ARMC8: variants seen among roughly 807,000 people sequenced by gnomAD.
ARMC8 encodes the protein armadillo repeat containing 8.
ARMC8 carries 20 observed loss-of-function variants against 99.3 expected under a neutral mutation model. The observed-to-expected ratio is 0.20, with a 90% CI of 0.14 to 0.29. The LOEUF (loss-of-function observed/expected upper bound fraction) is 0.29, where lower values mean the gene tolerates loss of function less well. ARMC8 is among the 10% of genes least tolerant of loss of function. The probability of loss-of-function intolerance (pLI) is 1.00; values close to 1 mark genes in which losing one functional copy is unlikely to be tolerated. For synonymous variants in ARMC8, 263 were observed against 278.3 expected, an observed-to-expected ratio of 0.95 and a Z score of 0.55; for missense variants, 569 against 809.5, an observed-to-expected ratio of 0.70 and a Z score of 3.60.
intron 1 of ARMC8, among the ~76,000 whole-genome samples, chr3:138,208,097 T>TG (rs2044480568): frequency 6.7e-6 from 1 of 149,744 alleles, no homozygotes; most frequent in African/African-American, 2.5e-5. Flanking sequence ...TGTTTTTTTT[T>TG]TTTTGTTGTT....
Position 138,245,194 on chromosome 3 carries a change from G to T in ARMC8, c.1134+11G>T. The T allele has an allele frequency of 6.2e-7, 1 of 1,614,210 alleles. No homozygotes were observed. ...GACATCCGGAAGAAGGTGAGTCTGG[G>T]AGAGGGGCGTCCCCCAGTCCTGACA... On this transcript the variant is annotated intron_variant, in intron 12 of 21. Transcript: ENST00000469044.
chr3:138,291,117 C>CA (rs2050903578), intron 21 of ARMC8, among the ~76,000 whole-genome samples: 1 of 152,234 alleles, frequency 6.6e-6, no homozygotes, highest in Admixed American at 6.5e-5. Context: ...ATCAGATACT[C>CA]AGCTAACCTC....
chr3:138,280,164 A>C (rs2049743083), intron 18 of ARMC8, among the ~76,000 whole-genome samples: 1 of 152,120 alleles, frequency 6.6e-6, no homozygotes, highest in Admixed American at 6.5e-5. Context: ...TCGGCCTCCC[A>C]AAGTGCTGGG....
intron 12 of ARMC8, chr3:138,261,583 A>G (rs1225517535): frequency 6.6e-6 from 1 of 152,196 alleles, no homozygotes; most frequent in African/African-American, 2.4e-5. Flanking sequence ...GTTATATATA[A>G]GAGATGGAGA....
intron 2 of ARMC8, among the ~76,000 whole-genome samples, chr3:138,210,373 C>T (rs1381555511): frequency 6.6e-6 from 1 of 152,092 alleles, no homozygotes; most frequent in East Asian, 1.9e-4. Context: ...AACCATAATG[C>T]CTTTTTTTCT....
intron 10 of ARMC8, among the ~76,000 whole-genome samples, chr3:138,241,090 T>G (rs1025893139): frequency 3.9e-5 from 6 of 152,196 alleles, no homozygotes; most frequent in African/African-American, 1.4e-4. Flanking sequence ...TGTAATATTT[T>G]TATTGAGAAC....
At chr3:138,244,210 A>T (rs2046770388) in intron 11 of ARMC8, among the ~76,000 whole-genome samples, 1 of 152,166 alleles carries the variant, frequency 6.6e-6, no homozygotes, top group Non-Finnish European at 1.5e-5. Flanking sequence ...TTACCATAGT[A>T]TACGGTTTGT....
At chr3:138,290,908 C>T (rs560976599) in intron 21 of ARMC8, among the ~76,000 whole-genome samples, 16 of 152,186 alleles carry the variant, frequency 1.1e-4, no homozygotes, top group Admixed American at 8.5e-4. Context: ...TGCGTACATT[C>T]GCCTGATCAT....
chr3:138,220,285 T>C (rs2045320639), intron 2 of ARMC8, among the ~76,000 whole-genome samples: 1 of 152,218 alleles, frequency 6.6e-6, no homozygotes, highest in African/African-American at 2.4e-5. Flanking sequence ...TTTATATTCA[T>C]GTATCAGAAC....
In ARMC8 at chr3:138,229,161, T is replaced by TAC. The variant is rs1559957768; in HGVS notation, c.528+152_528+153insCA. 47 of 74,466 alleles carry TAC rather than the reference T, an allele frequency of 6.3e-4. 1 individual carries two copies. The highest frequency in any genetic ancestry group is 2.6e-3 in the African/African-American group (42 of 16,340). The allele number at this position is 74,466 out of a possible 1,614,324, so 4.6% of individuals were successfully genotyped here. On this transcript the variant is annotated intron_variant, in intron 6 of 21. Coordinates refer to ENST00000469044, the MANE Select transcript of ARMC8 (RefSeq NM_001363941.2). ...ATATATATATATATATATATATATA[T>TAC]ATATATATATATATATATATATGTA...
intron 6 of ARMC8, among the ~76,000 whole-genome samples, chr3:138,231,768 A>AC (rs532818038): frequency 1.4e-3 from 209 of 148,548 alleles, no homozygotes; most frequent in South Asian, 3.4e-3. Flanking sequence ...ACGTAGTGAG[A>AC]CCCCCCATCT....
At chr3:138,235,411 A>C (rs970139068) in intron 7 of ARMC8, among the ~76,000 whole-genome samples, 1 of 152,234 alleles carries the variant, frequency 6.6e-6, no homozygotes, top group Non-Finnish European at 1.5e-5. Context: ...GTATAGAAGC[A>C]GTGGCTTTCT....
chr3:138,226,153 C>G (rs918974417), intron 5 of ARMC8, among the ~76,000 whole-genome samples: 1 of 152,050 alleles, frequency 6.6e-6, no homozygotes, highest in Non-Finnish European at 1.5e-5. Context: ...CCACCATGAC[C>G]GGCTAATTTT....
chr3:138,206,345 G>A (rs1054419560), intron 1 of ARMC8, among the ~76,000 whole-genome samples: 8 of 152,108 alleles, frequency 5.3e-5, no homozygotes, highest in Non-Finnish European at 1.2e-4. Flanking sequence ...GCCATATGAG[G>A]CTAGAGGCTG....
intron 7 of ARMC8, 98 bp downstream of exon 7, chr3:138,235,212 A>C: frequency 1.2e-6 from 1 of 862,838 alleles, no homozygotes; most frequent in Non-Finnish European, 1.8e-6. Flanking sequence ...AATTGTGATC[A>C]AAAGTAGTAT....
Position 138,193,584 on chromosome 3 carries a change from T to A in ARMC8, c.45+5985T>A, listed in dbSNP as rs1028983162. Among the ~76,000 whole-genome samples, 3 of 152,226 alleles carry A rather than the reference T, an allele frequency of 2.0e-5. No homozygotes were observed. The South Asian group carries it at 6.2e-4, about 32-fold the overall frequency. On this transcript the variant is annotated intron_variant, in intron 1 of 21. Coordinates refer to ENST00000469044, the MANE Select transcript of ARMC8 (RefSeq NM_001363941.2). ...CCCAGCCAAAAGCTCTTTATATGTT[T>A]TAAATCTGAACCCTTTGTAAGATAG...
intron 18 of ARMC8, among the ~76,000 whole-genome samples, chr3:138,278,027 C>A (rs897715450): frequency 6.6e-6 from 1 of 152,050 alleles, no homozygotes; most frequent in Admixed American, 6.5e-5. Context: ...CTATATGATC[C>A]CATCTATATG....
At chr3:138,239,940 A>G (rs1398399136) in intron 10 of ARMC8, among the ~76,000 whole-genome samples, 1 of 152,252 alleles carries the variant, frequency 6.6e-6, no homozygotes, top group African/African-American at 2.4e-5. Flanking sequence ...ATCAAAAGGC[A>G]TAATGAAAGA....
chr3:138,236,639 C>G (rs1417657049), intron 7 of ARMC8, among the ~76,000 whole-genome samples: 1 of 152,076 alleles, frequency 6.6e-6, no homozygotes, highest in African/African-American at 2.4e-5. Context: ...GCTACCTATC[C>G]TGTGAGTGCT....
Sources: gnomAD v4.1 joint callset for allele counts (sites outside exome capture counted in the v4.1 genomes callset) on GRCh38, gnomAD v4.1.1 for gene constraint, MANE v1.5 for transcripts, NCBI Gene and HGNC (gene_info 2026-07-23, HGNC 2026-07-21) for gene names.